Variants in MAP2K6 observed in about 807,000 individuals in gnomAD.
MAP2K6 encodes the protein mitogen-activated protein kinase kinase 6.
Under a neutral mutation model 53.7 loss-of-function variants are expected in MAP2K6, and 16 were observed. The observed-to-expected ratio is 0.30, with a 90% CI of 0.20 to 0.45. The LOEUF is 0.45. MAP2K6 is among the 20% of genes least tolerant of loss of function. The pLI, the probability that MAP2K6 is intolerant of heterozygous loss-of-function variation, is 1.00. For missense variants in MAP2K6, 204 were observed against 411.9 expected (o/e 0.50, Z 4.37); for synonymous variants, 132 against 143.1 (o/e 0.92, Z 0.55).
At position 69,436,661 on chromosome 17, in the gene MAP2K6, C is replaced by T. The variant is rs540154287; in HGVS notation, c.16+21661C>T. Among the ~76,000 whole-genome samples, 19 of 152,232 alleles carry T rather than the reference C, an allele frequency of 1.2e-4. No homozygotes were observed. The Middle Eastern group carries it at 0.01, about 82-fold the overall frequency. On this transcript the variant is annotated intron_variant, in intron 1 of 11. Transcript: ENST00000590474. Reference sequence around the variant, plus strand: ...TCTAGTCTTTCCTCTTCCTTCTTCTCATAGGAGAATATCTTGTCACACCTG... The same window carrying T: ...TCTAGTCTTTCCTCTTCCTTCTTCTTATAGGAGAATATCTTGTCACACCTG...
At chr17:69,423,126 G>A (rs817558) in intron 1 of MAP2K6, among the ~76,000 whole-genome samples, 57,235 of 151,774 alleles carry the variant, frequency 0.38, 11,293 homozygotes, top group Middle Eastern at 0.45. Flanking sequence ...CTTGTGATCC[G>A]TCCTCCTCGG....
chr17:69,493,024 A>G (rs927211973), intron 1 of MAP2K6, among the ~76,000 whole-genome samples: 3 of 152,160 alleles, frequency 2.0e-5, no homozygotes, highest in Non-Finnish European at 4.4e-5. Flanking sequence ...GAATTCTCTT[A>G]AAGTGAGGAT....
Position 69,536,018 on chromosome 17 carries a change from A to G in MAP2K6, c.882-97A>G, listed in dbSNP as rs565556952. The stretch of plus-strand genomic sequence containing the variant: ...GGCTGTGTTTTCAATACACTTTTAA[A>G]GCTGATTATGTTTAGTGTTCTACAG... On this transcript the variant is annotated intron_variant, in intron 10 of 11. Transcript: ENST00000590474. The G allele has an allele frequency of 1.2e-4, 96 of 777,990 alleles. 3 individuals carry two copies. In the South Asian group the frequency reaches 1.4e-3, roughly 11 times the overall value. The allele number at this position is 777,990 out of a possible 1,614,324, so 48.2% of individuals were successfully genotyped here.
intron 1 of MAP2K6, among the ~76,000 whole-genome samples, chr17:69,416,234 TA>T (rs1449300630): frequency 6.6e-6 from 1 of 152,200 alleles, no homozygotes; most frequent in Non-Finnish European, 1.5e-5. Context: ...TTTTTAATTC[TA>T]CCTGATGGGA....
chr17:69,522,485 T>A (rs1303809622), intron 7 of MAP2K6, among the ~76,000 whole-genome samples: 1 of 152,222 alleles, frequency 6.6e-6, no homozygotes, highest in East Asian at 1.9e-4. Flanking sequence ...GCTTTTGTAA[T>A]AATCTTTTAC....
chr17:69,540,693 G>A (rs1911573031), intron 11 of MAP2K6, among the ~76,000 whole-genome samples: 2 of 152,196 alleles, frequency 1.3e-5, no homozygotes, highest in Admixed American at 6.5e-5. Flanking sequence ...GTTCTGAGCT[G>A]TGAGGATAGA....
At chr17:69,495,964 C>T (rs1257930902) in intron 1 of MAP2K6, among the ~76,000 whole-genome samples, 1 of 152,092 alleles carries the variant, frequency 6.6e-6, no homozygotes, top group African/African-American at 2.4e-5. Context: ...TGCCTCCTGC[C>T]TTTTCCCTGG....
At chr17:69,534,791 A>T (rs964574297) in intron 10 of MAP2K6, among the ~76,000 whole-genome samples, 7 of 152,140 alleles carry the variant, frequency 4.6e-5, no homozygotes, top group Middle Eastern at 3.4e-3. Context: ...TCCAGGCAAA[A>T]TTCCTTTCCA....
rs9913842 is a variant in MAP2K6 at position 69,493,803 on chromosome 17, T to A, written c.17-11977T>A. Among the ~76,000 whole-genome samples the A allele has an allele frequency of 8.5e-3, 1,290 of 152,172 alleles. 14 individuals carry two copies. The highest frequency in any genetic ancestry group is 0.029 in the African/African-American group (1,208 of 41,532). ...AAAATATATGTATACTCAGCTTCAT[T>A]AAATATTTTTAAAATGTGATTCAAA... On this transcript the variant is annotated intron_variant, in intron 1 of 11. Transcript: ENST00000590474.
intron 2 of MAP2K6, among the ~76,000 whole-genome samples, chr17:69,513,352 C>G (rs1909969443): frequency 1.3e-5 from 2 of 152,304 alleles, no homozygotes; most frequent in East Asian, 3.9e-4. Context: ...TTTTATATTT[C>G]CTTCTCTTCT....
At chr17:69,529,333 T>G (rs1486720327) in intron 10 of MAP2K6, among the ~76,000 whole-genome samples, 1 of 152,080 alleles carries the variant, frequency 6.6e-6, no homozygotes, top group Non-Finnish European at 1.5e-5. Context: ...AACTAGTTTC[T>G]GTTTAGAAGG....
chr17:69,426,753 T>C, intron 1 of MAP2K6, among the ~76,000 whole-genome samples: 1 of 151,428 alleles, frequency 6.6e-6, no homozygotes, highest in South Asian at 2.1e-4. Flanking sequence ...TAGTATCCAG[T>C]GGCACAATAG....
In MAP2K6 at chr17:69,547,579, C is replaced by G. The variant is rs1382633737; in HGVS notation, c.*5826C>G. 1 of 152,226 alleles carries G rather than the reference C, an allele frequency of 6.6e-6. No individual in the cohort carries two copies. The highest frequency in any genetic ancestry group is 6.5e-5 in the Admixed American group (1 of 15,282). 9.4% of individuals were successfully genotyped at this position (152,226 alleles called of 1,614,324 possible). On this transcript the variant is annotated 3_prime_UTR_variant, in exon 12 of 12. Transcript: ENST00000590474. ...TTCTTCCATTTTAGTGACTATTGAG[C>G]TCAGCTGCTGTTGAGGCAGATTAGG...
chr17:69,512,328 G>GTTTTTTTTTTTTTTTTTTTTTTTTT (rs796414361), intron 2 of MAP2K6, among the ~76,000 whole-genome samples: 3 of 75,214 alleles, frequency 4.0e-5, no homozygotes, highest in Non-Finnish European at 5.3e-5. Context: ...CTTTCTAAGT[G>GTTTTTTTTTTTTTTTTTTTTTTTTT]TTTTTTTTTT....
At chr17:69,430,269 G>A (rs539047611) in intron 1 of MAP2K6, among the ~76,000 whole-genome samples, 1 of 152,276 alleles carries the variant, frequency 6.6e-6, no homozygotes, top group South Asian at 2.1e-4. Context: ...CTGGGAGGTG[G>A]AGGTTGCAGT....
chr17:69,535,706 G>T (rs1412406987), intron 10 of MAP2K6, among the ~76,000 whole-genome samples: 1 of 152,208 alleles, frequency 6.6e-6, no homozygotes, highest in Non-Finnish European at 1.5e-5. Flanking sequence ...AAAAGAACCA[G>T]GTACCTGACA....
chr17:69,453,718 C>T (rs1907307881), intron 1 of MAP2K6, among the ~76,000 whole-genome samples: 1 of 152,140 alleles, frequency 6.6e-6, no homozygotes, highest in South Asian at 2.1e-4. Context: ...TGCAATTTAG[C>T]AATTTTTGTC....
chr17:69,473,739 G>A (rs1291278238), intron 1 of MAP2K6, among the ~76,000 whole-genome samples: 5 of 152,180 alleles, frequency 3.3e-5, no homozygotes, highest in Admixed American at 3.3e-4. Flanking sequence ...AATGATAATT[G>A]ATCCAGGAGA....
chr17:69,543,521 T>C lies in MAP2K6; in HGVS notation c.*1768T>C, dbSNP rs1427229015. 1 of 152,206 alleles carries C rather than the reference T, an allele frequency of 6.6e-6. No homozygotes were observed. Among genetic ancestry groups the C allele is most frequent in the Non-Finnish European group, 1.5e-5 (1 of 68,030 alleles). The allele number at this position is 152,206 out of a possible 1,614,324, so 9.4% of individuals were successfully genotyped here. A position where few individuals can be genotyped will look rare whatever the true frequency, so the allele number is the denominator to read the frequency against. ...GAAGCTACCTCTGTCCTCATTTTAT[T>C]CTAGCCAGAAAAGGAGTATCACCCT... On this transcript the variant is annotated 3_prime_UTR_variant, in exon 12 of 12. Transcript: ENST00000590474.
Sources: allele counts gnomAD v4.1 joint callset (sites outside exome capture counted in the v4.1 genomes callset), GRCh38; gene constraint gnomAD v4.1.1; transcripts MANE v1.5; gene names NCBI Gene and HGNC (gene_info 2026-07-23, HGNC 2026-07-21).